Variants in IFT140 observed in about 807,000 individuals in gnomAD.
IFT140 encodes the protein intraflagellar transport 140.
A neutral mutation model predicts 164.6 loss-of-function variants in IFT140; 133 were observed. The ratio of observed to expected loss-of-function variants is 0.81; its 90% CI spans 0.70 to 0.93. IFT140 has a LOEUF of 0.93. Ranked by LOEUF, IFT140 falls within the 40% of genes least tolerant of loss-of-function variation. The pLI, the probability that IFT140 is intolerant of heterozygous loss-of-function variation, is 0.00. For missense variants in IFT140, 2,045 were observed against 1,972.3 expected (o/e 1.04, Z -0.70); for synonymous variants, 860 against 817.3 (o/e 1.05, Z -0.89).
chr16:1,552,648 C>CTTT (rs11409894), intron 19 of IFT140, among the ~76,000 whole-genome samples: 23 of 127,578 alleles, frequency 1.8e-4, no homozygotes, highest in African/African-American at 5.1e-4. Flanking sequence ...AAAGAGAATG[C>CTTT]TTTTTTTTTT....
In IFT140 at chr16:1,523,871, T is replaced by C; in HGVS notation, c.3227A>G (p.Glu1076Gly). The C allele has an allele frequency of 6.2e-7, 1 of 1,613,508 alleles. No homozygotes were observed. Among genetic ancestry groups the C allele is most frequent in the South Asian group, 1.1e-5 (1 of 91,078 alleles). Residue 1076 changes from glutamate to glycine, a missense_variant, in exon 25 of 31, where the codon GAG (glutamate) becomes GGG (glycine). Physicochemically the swap from Glu to Gly is moderately conservative, Grantham distance 98. Transcript: ENST00000426508. Reference sequence around the variant, plus strand: ...CGCCCTGTCCATCTGCACGCCCTTCTCCTCGTAGTATCGGGCCGCCTCGAT... The same window carrying C: ...CGCCCTGTCCATCTGCACGCCCTTCCCCTCGTAGTATCGGGCCGCCTCGAT... Reference protein sequence around the residue: ...DMIEAARYYEEKGVQMDRAVM... With the variant: ...DMIEAARYYEGKGVQMDRAVM...
At chr16:1,603,980 T>C (rs1354549443) in intron 3 of IFT140, among the ~76,000 whole-genome samples, 1 of 152,230 alleles carries the variant, frequency 6.6e-6, no homozygotes, top group Non-Finnish European at 1.5e-5. Context: ...AGAAATATGC[T>C]ATTGACTAGT....
At chr16:1,565,774 G>C (rs754465731) in intron 16 of IFT140, among the ~76,000 whole-genome samples, 8 of 152,236 alleles carry the variant, frequency 5.3e-5, no homozygotes, top group Non-Finnish European at 1.0e-4. Flanking sequence ...TCCAGATATA[G>C]TGAAGACAGA....
At chr16:1,521,109 T>C (rs969479994) in intron 26 of IFT140, among the ~76,000 whole-genome samples, 3 of 152,250 alleles carry the variant, frequency 2.0e-5, no homozygotes, top group Admixed American at 6.5e-5. Flanking sequence ...TTTTCTTCTA[T>C]AATTCTGAAT....
chr16:1,579,693 G>C (rs1226498558), intron 13 of IFT140, among the ~76,000 whole-genome samples: 2 of 152,156 alleles, frequency 1.3e-5, no homozygotes, highest in Non-Finnish European at 2.9e-5. Context: ...CTGGCCAGGC[G>C]TGGTGGCTCA....
At chr16:1,547,093 C>CT (rs1199940459) in intron 19 of IFT140, among the ~76,000 whole-genome samples, 5 of 152,226 alleles carry the variant, frequency 3.3e-5, no homozygotes, top group Admixed American at 3.3e-4. Context: ...ATGCCGAAGG[C>CT]TTCTCGCCTG....
chr16:1,583,490 C>T, intron 11 of IFT140, 104 bp from the exon 12 acceptor site: 1 of 836,794 alleles, frequency 1.2e-6, no homozygotes, highest in Non-Finnish European at 2.0e-6. Context: ...CTTCTGAACA[C>T]TGCTGCTCCA....
At chr16:1,573,271 C>A in intron 13 of IFT140, among the ~76,000 whole-genome samples, 1 of 152,108 alleles carries the variant, frequency 6.6e-6, no homozygotes, top group South Asian at 2.1e-4. Flanking sequence ...CTGATGGGGC[C>A]AGGGCTGACA....
Position 1,520,802 on chromosome 16 carries a change from C to T in IFT140, c.3460G>A (p.Glu1154Lys), listed in dbSNP as rs1219559874. Reference protein sequence around the residue: ...ELLLAARKYQEALQLCLGQNM... With the variant: ...ELLLAARKYQKALQLCLGQNM... ...TGCCCCAGGCACAGCTGCAGGGCTTCCTGATACTGCAAAGGTGCAGAAATG... is the reference window on the plus strand; with the variant it reads ...TGCCCCAGGCACAGCTGCAGGGCTTTCTGATACTGCAAAGGTGCAGAAATG... Residue 1154 changes from glutamate (E) to lysine (K), a missense_variant, in exon 27 of 31, where the codon GAA becomes AAA. By Grantham distance (56) the Glu-to-Lys change is moderately conservative (BLOSUM62 1). Coordinates refer to ENST00000426508, the MANE Select transcript of IFT140 (RefSeq NM_014714.4). The T allele has an allele frequency of 6.2e-7, 1 of 1,602,572 alleles. No individual in the cohort carries two copies. The highest frequency in any genetic ancestry group is 1.1e-5 in the South Asian group (1 of 90,926).
intron 18 of IFT140, 128 bp downstream of exon 18, chr16:1,561,857 A>G (rs958369776): frequency 3.2e-5 from 28 of 868,048 alleles, no homozygotes; most frequent in Admixed American, 1.1e-4. Flanking sequence ...GATGCTGTCT[A>G]CGGAGAGGGA....
intron 24 of IFT140, 24 bp from the exon 25 acceptor site, chr16:1,523,980 T>G (rs780419037): frequency 6.2e-7 from 1 of 1,605,082 alleles, no homozygotes; most frequent in African/African-American, 1.3e-5. Flanking sequence ...GGCAGGGCCC[T>G]GAAGCGGCTC....
intron 20 of IFT140, 164 bp from the exon 21 acceptor site, chr16:1,526,241 T>C (rs1021163601): frequency 3.0e-6 from 2 of 676,320 alleles, no homozygotes; most frequent in Non-Finnish European, 4.9e-6. Flanking sequence ...CCACGGGGCA[T>C]CCCCGTCCCA....
rs769896754 is a variant in IFT140, at chr16:1,566,279, G to A, written c.1783C>T (p.Pro595Ser). 6.2e-7 allele frequency: 1 copy of A among 1,613,368 alleles called. No individual in the cohort carries two copies. Among genetic ancestry groups the A allele is most frequent in the South Asian group, 1.1e-5 (1 of 91,058 alleles). Residue 595 changes from proline to serine, a missense_variant, in exon 16 of 31, where the codon CCT (proline) becomes TCT (serine). Physicochemically the swap from Pro to Ser is moderately conservative, Grantham distance 74. Coordinates refer to ENST00000426508, the MANE Select transcript of IFT140 (RefSeq NM_014714.4). ...TCGTAGAAGCAGATTTTGGAATCAG[G>A]GCTGTTGTCAGCCTAGGAGAAGAGA... ...SILPSKADNS[P>S]DSKICFYDVE...
intron 19 of IFT140, among the ~76,000 whole-genome samples, chr16:1,539,958 G>A (rs962887856): frequency 4.6e-5 from 7 of 152,190 alleles, no homozygotes; most frequent in African/African-American, 7.2e-5. Flanking sequence ...AGGCCGGAGC[G>A]GGCACAGTGG....
At chr16:1,580,504 C>T (rs1797716247) in intron 13 of IFT140, 1 of 388,346 alleles carries the variant, frequency 2.6e-6, no homozygotes, top group Admixed American at 4.2e-5. Context: ...GTAGGATGTG[C>T]CTGCTTCCCA....
Position 1,566,158 on chromosome 16 carries a change from T to TA in IFT140, c.1901+2dup, listed in dbSNP as rs759058677. 1 of 1,612,236 alleles carries TA rather than the reference T, an allele frequency of 6.2e-7. No homozygotes were observed. Among genetic ancestry groups the TA allele is most frequent in the Non-Finnish European group, 8.5e-7 (1 of 1,178,982 alleles). ...ACAAAATCCTCCTGAACCACAATCTTACTTATTAGTCTCTTGCTCATTAAA... is the reference window on the plus strand; with the variant it reads ...ACAAAATCCTCCTGAACCACAATCTTAACTTATTAGTCTCTTGCTCATTAAA... On this transcript the variant is annotated splice_region_variant and intron_variant, in intron 16 of 30. Coordinates refer to ENST00000426508, the MANE Select transcript of IFT140 (RefSeq NM_014714.4).
intron 13 of IFT140, among the ~76,000 whole-genome samples, chr16:1,575,500 C>A (rs1457491665): frequency 2.6e-5 from 4 of 151,440 alleles, no homozygotes; most frequent in Admixed American, 1.3e-4. Context: ...CTGCAGTGAG[C>A]TATGATTGCC....
chr16:1,592,345 G>T (rs201914926), intron 5 of IFT140, 27 bp from the exon 6 acceptor site: 4 of 1,613,884 alleles, frequency 2.5e-6, no homozygotes, highest in Non-Finnish European at 3.4e-6. Flanking sequence ...CACGAAGCAA[G>T]ATTCTTCTGC....
intron 19 of IFT140, chr16:1,530,978 G>A (rs1280680287): frequency 6.6e-6 from 1 of 152,252 alleles, no homozygotes; most frequent in Non-Finnish European, 1.5e-5. Flanking sequence ...CACGGGAAGG[G>A]CGGTCACAGA....
Sources: gnomAD v4.1 joint callset for allele counts (sites outside exome capture counted in the v4.1 genomes callset) on GRCh38, gnomAD v4.1.1 for gene constraint, MANE v1.5 for transcripts, NCBI Gene and HGNC (gene_info 2026-07-23, HGNC 2026-07-21) for gene names.